The following RFFL variants were observed in gnomAD, a reference collection of about 807,000 sequenced individuals.
RFFL encodes the protein E3 ubiquitin-protein ligase rififylin.
Under a neutral mutation model 40.4 loss-of-function variants are expected in RFFL, and 16 were observed. The observed-to-expected ratio is 0.40, with a 90% CI of 0.27 to 0.60. The LOEUF is 0.60. Among genes scored for constraint, RFFL ranks in the 20% least tolerant of loss-of-function variants. RFFL has a pLI of 0.47. For synonymous variants in RFFL, 154 were observed against 167.9 expected (o/e 0.92, Z 0.64); for missense variants, 367 against 451.7 (o/e 0.81, Z 1.70).
intron 1 of RFFL, among the ~76,000 whole-genome samples, chr17:35,034,528 CTTT>C (rs374615141): frequency 1.5e-4 from 21 of 143,766 alleles, no homozygotes; most frequent in African/African-American, 5.1e-4. Flanking sequence ...ATCCACGTTA[CTTT>C]TTTTTTTTTT....
In RFFL at chr17:35,021,712, G is replaced by C. The variant is rs2091010116; in HGVS notation, c.250C>G (p.Leu84Val). ...CGAAACCGTTGGCAGAGAAGGCAGAGGCGGGGCCCATTCCCTACTTGGCTC... is the reference window on the plus strand; with the variant it reads ...CGAAACCGTTGGCAGAGAAGGCAGACGCGGGGCCCATTCCCTACTTGGCTC... ...CSSQVGNGPR[L>V]CLLCQRFRAT... is the part of the protein sequence containing the mutation. The change falls in exon 3 of 7, where the codon CTC (leucine) becomes GTC (valine). Residue 84 changes from leucine (L) to valine (V), a missense_variant. Transcript: ENST00000394597. 1.2e-6 allele frequency: 2 copies of C among 1,614,262 alleles called. No individual in the cohort carries two copies. The highest frequency in any genetic ancestry group is 4.5e-5 in the East Asian group (2 of 44,888).
intron 1 of RFFL, among the ~76,000 whole-genome samples, chr17:35,077,884 C>G (rs1378389701): frequency 1.3e-5 from 2 of 152,196 alleles, no homozygotes; most frequent in African/African-American, 4.8e-5. Flanking sequence ...GGAAAGAGCA[C>G]AAATCCACAG....
chr17:35,071,464 A>C (rs943538093), intron 1 of RFFL, among the ~76,000 whole-genome samples: 1 of 151,582 alleles, frequency 6.6e-6, no homozygotes. Context: ...CTAAAAATAC[A>C]AAATTTGTCT....
chr17:35,021,776 G>T lies in RFFL; in HGVS notation c.186C>A (p.Thr62=), dbSNP rs1336786036. 2 of 1,614,056 alleles carry T rather than the reference G, an allele frequency of 1.2e-6. No homozygotes were observed. Among genetic ancestry groups the T allele is most frequent in the Non-Finnish European group, 1.7e-6 (2 of 1,180,028 alleles). The change falls in exon 3 of 7, where the codon ACC becomes ACA. Residue 62 remains threonine (T), a synonymous_variant. Transcript: ENST00000394597. Reference sequence around the variant, plus strand: ...AAAAATTTTTCTTACAGTCCAAGCAGGTCTGCTGCTTAGAGCAAAAGACAC... The same window carrying T: ...AAAAATTTTTCTTACAGTCCAAGCATGTCTGCTGCTTAGAGCAAAAGACAC... ...AHFANTARKQ[T]CLDCKKNFCM... is the part of the protein sequence containing the mutation.
chr17:35,085,520 C>T (rs1220916836), intron 1 of RFFL, among the ~76,000 whole-genome samples: 2 of 152,184 alleles, frequency 1.3e-5, no homozygotes, highest in Non-Finnish European at 2.9e-5. Flanking sequence ...ACCTCCGTCT[C>T]CCAGGTTCAA....
In RFFL at chr17:35,053,779, T is replaced by C. The variant is rs922048775; in HGVS notation, c.-9+9797A>G. On this transcript the variant is annotated intron_variant, in intron 1 of 6. Coordinates refer to ENST00000394597, the MANE Select transcript of RFFL (RefSeq NM_001017368.2). ...ACCATTCTATCTTATAAATCCATGCTCACCAAGCAAGCTTGATATTATTAA... is the reference window on the plus strand; with the variant it reads ...ACCATTCTATCTTATAAATCCATGCCCACCAAGCAAGCTTGATATTATTAA... 2.0e-5 allele frequency among the ~76,000 whole-genome samples: 3 copies of C among 152,212 alleles called. No individual in the cohort carries two copies. In the East Asian group the frequency reaches 5.8e-4, roughly 29 times the overall value.
chr17:35,044,532 C>T (rs758595785), intron 1 of RFFL, among the ~76,000 whole-genome samples: 7 of 152,152 alleles, frequency 4.6e-5, no homozygotes, highest in Non-Finnish European at 8.8e-5. Context: ...AGGAGAATCG[C>T]TTATCTGGGA....
chr17:35,037,654 C>T (rs77616562), intron 1 of RFFL, among the ~76,000 whole-genome samples: 3,818 of 152,222 alleles, frequency 0.025, 163 homozygotes, highest in African/African-American at 0.086. Context: ...AAAAAAGGTT[C>T]AGAGAAGTTA....
intron 1 of RFFL, among the ~76,000 whole-genome samples, chr17:35,042,840 A>AG (rs1567708692): frequency 6.6e-6 from 1 of 150,972 alleles, no homozygotes; most frequent in Non-Finnish European, 1.5e-5. Context: ...AAAAAAAAAA[A>AG]AAAAGAAAAG....
chr17:35,013,342 T>A (rs1160372405), intron 6 of RFFL, among the ~76,000 whole-genome samples: 1 of 152,212 alleles, frequency 6.6e-6, no homozygotes, highest in East Asian at 1.9e-4. Context: ...CTGGCTTGTG[T>A]CACTAGCAGA....
intron 1 of RFFL, among the ~76,000 whole-genome samples, chr17:35,062,167 G>A (rs1019388325): frequency 1.3e-5 from 2 of 151,806 alleles, no homozygotes; most frequent in African/African-American, 4.8e-5. Context: ...CACTTTGGGA[G>A]GCCAAGGCAG....
chr17:35,017,447 C>T (rs1794310253), intron 4 of RFFL, 76 bp downstream of exon 4: 2 of 908,634 alleles, frequency 2.2e-6, no homozygotes, highest in African/African-American at 1.6e-5. Flanking sequence ...TCTCTCCACT[C>T]GACTCTGCTA....
chr17:35,060,336 C>T (rs955841072), intron 1 of RFFL, among the ~76,000 whole-genome samples: 4 of 152,136 alleles, frequency 2.6e-5, no homozygotes, highest in Non-Finnish European at 4.4e-5. Flanking sequence ...AAGGCAAGAC[C>T]GTTAGCACTT....
At chr17:35,071,597 GATA>G (rs1275005948) in intron 1 of RFFL, among the ~76,000 whole-genome samples, 2 of 151,298 alleles carry the variant, frequency 1.3e-5, no homozygotes, top group African/African-American at 4.9e-5. Flanking sequence ...CAGCCTGGGT[GATA>G]GAGTGAGTGA....
chr17:35,011,846 G>T lies in RFFL; in HGVS notation c.*122C>A. 1 of 934,066 alleles carries T rather than the reference G, an allele frequency of 1.1e-6. No individual in the cohort carries two copies. Among genetic ancestry groups the T allele is most frequent in the Non-Finnish European group, 1.7e-6 (1 of 604,080 alleles). 57.9% of individuals were successfully genotyped at this position (934,066 alleles called of 1,614,324 possible). On this transcript the variant is annotated 3_prime_UTR_variant, in exon 7 of 7. Transcript: ENST00000394597. Reference sequence around the variant, plus strand: ...TCAGGGGTGACATGGCATCTTGCTTGACCTGGTTTTGGGAACCCTGCAATA... The same window carrying T: ...TCAGGGGTGACATGGCATCTTGCTTTACCTGGTTTTGGGAACCCTGCAATA...
At chr17:35,031,898 A>T (rs1446778428) in intron 1 of RFFL, among the ~76,000 whole-genome samples, 1 of 151,948 alleles carries the variant, frequency 6.6e-6, no homozygotes, top group East Asian at 1.9e-4. Flanking sequence ...GACCAAGACC[A>T]TCCTGGCTAA....
intron 1 of RFFL, among the ~76,000 whole-genome samples, chr17:35,079,170 GCA>G (rs2091391971): frequency 6.6e-6 from 1 of 152,014 alleles, no homozygotes; most frequent in Admixed American, 6.6e-5. Flanking sequence ...TTACAGGCAC[GCA>G]CCACCATGCC....
chr17:35,042,547 C>T (rs759906613), intron 1 of RFFL, among the ~76,000 whole-genome samples: 3 of 151,986 alleles, frequency 2.0e-5, no homozygotes, highest in East Asian at 1.9e-4. Flanking sequence ...GGTGGCCGGG[C>T]GCAGTGGCTC....
At chr17:35,067,373 C>T (rs1470489140), upstream of RFFL, among the ~76,000 whole-genome samples, 1 of 151,610 alleles carries the variant, frequency 6.6e-6, no homozygotes, top group Non-Finnish European at 1.5e-5. Flanking sequence ...CTGCCTCAGC[C>T]TCCCAAAGTG....
Sources: gnomAD v4.1 joint callset for allele counts (sites outside exome capture counted in the v4.1 genomes callset) on GRCh38, gnomAD v4.1.1 for gene constraint, MANE v1.5 for transcripts, NCBI Gene and HGNC (gene_info 2026-07-23, HGNC 2026-07-21) for gene names.